SP110: variants seen among roughly 807,000 people sequenced by gnomAD.
SP110 encodes interferon-induced protein 41, 30kD.
A neutral mutation model predicts 92.7 loss-of-function variants in SP110; 62 were observed. The ratio of observed to expected loss-of-function variants is 0.67; its 90% CI spans 0.55 to 0.83. SP110 has a LOEUF of 0.83. Ranked by LOEUF, SP110 falls within the 40% of genes least tolerant of loss-of-function variation. SP110 has a pLI of 0.00. For synonymous variants in SP110, 273 were observed against 305.3 expected (o/e 0.89, Z 1.10); for missense variants, 793 against 863.9 (o/e 0.92, Z 1.03).
At chr2:230,214,547 T>G (rs2148936926) in intron 3 of SP110, among the ~76,000 whole-genome samples, 2 of 152,354 alleles carry the variant, frequency 1.3e-5, no homozygotes, top group East Asian at 3.9e-4. Context: ...GTGTTTGCGA[T>G]AAGGCACCAA....
At chr2:230,194,851 C>T (rs1296646138) in intron 10 of SP110, among the ~76,000 whole-genome samples, 1 of 152,160 alleles carries the variant, frequency 6.6e-6, no homozygotes, top group Non-Finnish European at 1.5e-5. Flanking sequence ...GAAAAGAAGA[C>T]TAGGTATAAA....
intron 12 of SP110, 45 bp from the exon 13 acceptor site, chr2:230,178,300 C>A (rs769945571): frequency 8.9e-7 from 1 of 1,129,078 alleles, no homozygotes; most frequent in Admixed American, 1.8e-5. Flanking sequence ...GTCTTCACTC[C>A]ATCTTCCTTT....
intron 12 of SP110, among the ~76,000 whole-genome samples, chr2:230,182,436 T>C (rs577000667): frequency 1.3e-5 from 2 of 151,952 alleles, no homozygotes; most frequent in South Asian, 2.1e-4. Context: ...CTGCACATCC[T>C]GCACATGTAT....
chr2:230,170,699 C>T lies in SP110; in HGVS notation c.1950G>A (p.Leu650=). 1 of 1,614,120 alleles carries T rather than the reference C, an allele frequency of 6.2e-7. No homozygotes were observed. Among genetic ancestry groups the T allele is most frequent in the Non-Finnish European group, 8.5e-7 (1 of 1,179,996 alleles). The change falls in exon 18 of 19, where the codon CTG becomes CTA. Residue 650 remains leucine, a synonymous_variant. Coordinates refer to ENST00000258381, the MANE Select transcript of SP110 (RefSeq NM_080424.4). ...AMWLDLVKER[L]ITEMYTVAWF... ...ATGCCACCGTGTACATTTCCGTAAT[C>T]AGCCTTTCCTTAACCAGGTCCAACC... is the stretch of plus-strand genomic sequence containing the variant.
intron 10 of SP110, among the ~76,000 whole-genome samples, chr2:230,189,548 T>C (rs2042512389): frequency 6.6e-6 from 1 of 152,194 alleles, no homozygotes; most frequent in South Asian, 2.1e-4. Context: ...TCTGAGGAGA[T>C]ACTTAATATA....
At chr2:230,205,256 AG>A (rs1211086644) in intron 8 of SP110, among the ~76,000 whole-genome samples, 4 of 152,164 alleles carry the variant, frequency 2.6e-5, no homozygotes, top group African/African-American at 9.7e-5. Flanking sequence ...CAGGCTCCCA[AG>A]GGCCTGTGAA....
chr2:230,216,049 A>G (rs2045135372), intron 2 of SP110, among the ~76,000 whole-genome samples: 1 of 152,172 alleles, frequency 6.6e-6, no homozygotes, highest in African/African-American at 2.4e-5. Context: ...CCAAAATTAT[A>G]TAAAAATAGG....
chr2:230,223,080 A>G (rs1320915718), upstream of SP110, among the ~76,000 whole-genome samples: 1 of 148,148 alleles, frequency 6.8e-6, no homozygotes, highest in Non-Finnish European at 1.5e-5. Context: ...GTCTGTCTCC[A>G]GGCTAGAGTG....
intron 8 of SP110, among the ~76,000 whole-genome samples, chr2:230,206,131 C>G (rs2043772655): frequency 6.6e-6 from 1 of 152,148 alleles, no homozygotes; most frequent in South Asian, 2.1e-4. Flanking sequence ...TAATGATAAA[C>G]TAAGTCAGGG....
intron 9 of SP110, among the ~76,000 whole-genome samples, chr2:230,201,368 T>C (rs2043169127): frequency 6.6e-6 from 1 of 152,206 alleles, no homozygotes; most frequent in East Asian, 1.9e-4. Context: ...TTTGTACAGA[T>C]TGAGCAAGAG....
chr2:230,195,150 A>G (rs1046430972), intron 10 of SP110, among the ~76,000 whole-genome samples: 2 of 151,690 alleles, frequency 1.3e-5, no homozygotes, highest in Admixed American at 6.6e-5. Context: ...ACAAATATTG[A>G]TCTACAAACC....
intron 10 of SP110, among the ~76,000 whole-genome samples, chr2:230,194,224 C>T (rs1305524921): frequency 6.6e-6 from 1 of 152,116 alleles, no homozygotes; most frequent in Non-Finnish European, 1.5e-5. Context: ...CCCAGGCTGG[C>T]TCCCATAAAG....
In SP110 at chr2:230,217,884, C is replaced by T. The variant is rs950912884; in HGVS notation, c.-1-956G>A. On this transcript the variant is annotated intron_variant, in intron 1 of 18. Coordinates refer to ENST00000258381, the MANE Select transcript of SP110 (RefSeq NM_080424.4). ...ACCTGGTAATATTTGGAAACTTTAA[C>T]GAACCACTCCCAATCTTCAACACAA... is the stretch of plus-strand genomic sequence containing the variant. Among the ~76,000 whole-genome samples, 4 of 152,324 alleles carry T rather than the reference C, an allele frequency of 2.6e-5. No individual in the cohort carries two copies. In the South Asian group the frequency reaches 6.2e-4, roughly 24 times the overall value.
intron 12 of SP110, among the ~76,000 whole-genome samples, chr2:230,181,890 G>C (rs915196591): frequency 6.6e-6 from 1 of 152,214 alleles, no homozygotes; most frequent in Non-Finnish European, 1.5e-5. Flanking sequence ...GAAAGACCTC[G>C]AAGCAATTCC....
At chr2:230,221,008 C>T (rs942815948), upstream of SP110, among the ~76,000 whole-genome samples, 2 of 151,692 alleles carry the variant, frequency 1.3e-5, no homozygotes, top group Non-Finnish European at 2.9e-5. Flanking sequence ...TTGGGCCAGG[C>T]TCGGTGGCTC....
At chr2:230,184,123 A>G (rs2042250873) in intron 11 of SP110, among the ~76,000 whole-genome samples, 1 of 152,232 alleles carries the variant, frequency 6.6e-6, no homozygotes, top group Non-Finnish European at 1.5e-5. Context: ...ATACAGCAGG[A>G]TGGTGCAAGA....
Position 230,169,056 on chromosome 2 carries a change from A to G in SP110, c.*68T>C. ...TACATCCCAGACTCACTGGCAATCA[A>G]CAGTCCAAGCCAGGGTCCCATCAGC... On this transcript the variant is annotated 3_prime_UTR_variant, in exon 19 of 19. Coordinates refer to ENST00000258381, the MANE Select transcript of SP110 (RefSeq NM_080424.4). 1 of 1,059,028 alleles carries G rather than the reference A, an allele frequency of 9.4e-7. No individual in the cohort carries two copies. The highest frequency in any genetic ancestry group is 1.5e-6 in the Non-Finnish European group (1 of 675,586). The allele number at this position is 1,059,028 out of a possible 1,614,324, so 65.6% of individuals were successfully genotyped here. A position where few individuals can be genotyped will look rare whatever the true frequency, so the allele number is the denominator to read the frequency against.
rs1039367288 is a variant in SP110, at chr2:230,176,820, G to A, written c.1590+718C>T. 6 of 1,277,956 alleles carry A rather than the reference G, an allele frequency of 4.7e-6. No homozygotes were observed. In the Admixed American group the frequency reaches 5.3e-5, roughly 11 times the overall value. The allele number at this position is 1,277,956 out of a possible 1,614,324, so 79.2% of individuals were successfully genotyped here. A position where few individuals can be genotyped will look rare whatever the true frequency, so the allele number is the denominator to read the frequency against. ...ACTTCCTAGTGAATGTCTGTACCCA[G>A]ACATCACACTGGATCTCAAACCCAA... On this transcript the variant is annotated intron_variant, in intron 14 of 18. Transcript: ENST00000258381.
At chr2:230,225,601 T>C in exon 1 of SP110, 2 of 574,324 alleles carry the variant, frequency 3.5e-6, no homozygotes, top group Admixed American at 6.0e-5. Context: ...CAGGAACAAG[T>C]GACCCTGTCT....
Sources: allele counts gnomAD v4.1 joint callset (sites outside exome capture counted in the v4.1 genomes callset), GRCh38; gene constraint gnomAD v4.1.1; transcripts MANE v1.5; gene names NCBI Gene and HGNC (gene_info 2026-07-23, HGNC 2026-07-21).